Variants in INPP5A observed in about 807,000 individuals in gnomAD.
The protein encoded by INPP5A is 43 kDa inositol polyphosphate 5-phophatase.
In INPP5A, 14 loss-of-function variants were observed where a neutral mutation model predicts 65.2. The ratio of observed to expected loss-of-function variants is 0.21; its 90% CI spans 0.14 to 0.34. The LOEUF is 0.34. Ranked by LOEUF, INPP5A falls within the 10% of genes least tolerant of loss-of-function variation. The pLI is 1.00. For missense variants in INPP5A, 431 were observed against 545.6 expected, an observed-to-expected ratio of 0.79 and a Z score of 2.09; for synonymous variants, 207 against 208.3, an observed-to-expected ratio of 0.99 and a Z score of 0.05.
intron 2 of INPP5A, among the ~76,000 whole-genome samples, chr10:132,641,987 G>A (rs1056158023): frequency 3.3e-5 from 5 of 152,240 alleles, no homozygotes; most frequent in Non-Finnish European, 7.3e-5. Flanking sequence ...TCCCCAGTGT[G>A]GACCAGTGCT....
chr10:132,635,386 A>ATTTTTTTTTTTTTTTTTTTTTTTTTTTT (rs775271931), intron 2 of INPP5A, among the ~76,000 whole-genome samples: 1 of 54,500 alleles, frequency 1.8e-5, no homozygotes, highest in African/African-American at 8.0e-5. Flanking sequence ...CTTTTTAAAG[A>ATTTTTTTTTTTTTTTTTTTTTTTTTTTT]TTTTTTTTTT....
rs1292747269 is a variant in INPP5A, at chr10:132,675,300, C to G, written c.307-15092C>G. Among the ~76,000 whole-genome samples, 1 of 152,116 alleles carries G rather than the reference C, an allele frequency of 6.6e-6. No homozygotes were observed. Among genetic ancestry groups the G allele is most frequent in the Non-Finnish European group, 1.5e-5 (1 of 68,024 alleles). ...AGGAAATGTCAGCATAGGGTCTTAC[C>G]CGGCAAAACATCTCCTAAGATTGAA... is the stretch of plus-strand genomic sequence containing the variant. On this transcript the variant is annotated intron_variant, in intron 4 of 15. Transcript: ENST00000368594. The surrounding 1 kb of genome is among the most constrained non-coding windows in gnomAD (Gnocchi z 4.2).
At chr10:132,609,952 T>A (rs2071920014) in intron 2 of INPP5A, among the ~76,000 whole-genome samples, 1 of 152,242 alleles carries the variant, frequency 6.6e-6, no homozygotes, top group Non-Finnish European at 1.5e-5. Context: ...TGTCTGCCGC[T>A]TTTTTCTTGG....
At chr10:132,548,434 TG>T (rs993672429) in intron 1 of INPP5A, among the ~76,000 whole-genome samples, 1 of 152,198 alleles carries the variant, frequency 6.6e-6, no homozygotes, top group Admixed American at 6.5e-5. Context: ...GCACCCGGCC[TG>T]GGGGTGTTCC....
rs757261064 is a variant in INPP5A, at chr10:132,690,387, T to C, written c.307-5T>C. 6.3e-7 allele frequency: 1 copy of C among 1,592,322 alleles called. No individual in the cohort carries two copies. Among genetic ancestry groups the C allele is most frequent in the African/African-American group, 1.3e-5 (1 of 74,576 alleles). On this transcript the variant is annotated splice_polypyrimidine_tract_variant and splice_region_variant and intron_variant, in intron 4 of 15. Transcript: ENST00000368594. The stretch of plus-strand genomic sequence containing the variant: ...TCTCATTTGATTTCTCTTTTTGCTC[T>C]ACAGGCACTAGGAAGCTTTTATTTT...
At position 132,706,046 on chromosome 10, in the gene INPP5A, A is replaced by G. The variant is rs186593553; in HGVS notation, c.475-2267A>G. 2.6e-5 allele frequency among the ~76,000 whole-genome samples: 4 copies of G among 152,378 alleles called. No individual in the cohort carries two copies. In the East Asian group the frequency reaches 7.7e-4, roughly 29 times the overall value. ...ATTCAACTAAAACAGAAATAAAACA[A>G]GAAAAGGGAATATGAAGAGGAGCCT... On this transcript the variant is annotated intron_variant, in intron 6 of 15. Transcript: ENST00000368594. This position sits in a 1 kb window ranked among gnomAD's most constrained non-coding sequence, Gnocchi z 4.7.
chr10:132,636,106 G>A (rs73401227), intron 2 of INPP5A, among the ~76,000 whole-genome samples: 4,151 of 151,444 alleles, frequency 0.027, 76 homozygotes, highest in African/African-American at 0.046. Context: ...ATCTGTGTAC[G>A]TTGAAAATCC....
At chr10:132,648,227 C>A (rs1389113667) in intron 3 of INPP5A, among the ~76,000 whole-genome samples, 1 of 152,270 alleles carries the variant, frequency 6.6e-6, no homozygotes, top group African/African-American at 2.4e-5. Flanking sequence ...AGGACGCCGC[C>A]CTCACAGCAG....
At chr10:132,771,200 C>T (rs893665787) in intron 12 of INPP5A, among the ~76,000 whole-genome samples, 1 of 152,224 alleles carries the variant, frequency 6.6e-6, no homozygotes, top group Non-Finnish European at 1.5e-5. Flanking sequence ...AGGGCCATGT[C>T]ATCCCTCTGG....
intron 8 of INPP5A, among the ~76,000 whole-genome samples, chr10:132,712,678 ATG>A (rs923886547): frequency 3.6e-5 from 5 of 140,372 alleles, no homozygotes; most frequent in Middle Eastern, 4.5e-3. Flanking sequence ...GTGTGGGTGC[ATG>A]TGAGTGGGTA....
intron 4 of INPP5A, among the ~76,000 whole-genome samples, chr10:132,688,958 G>A (rs768719972): frequency 2.9e-4 from 44 of 151,482 alleles, no homozygotes; most frequent in Non-Finnish European, 5.6e-4. Flanking sequence ...GCAAATGCAT[G>A]TTGTGTGTGC....
At chr10:132,560,061 G>A (rs1335822159) in intron 1 of INPP5A, among the ~76,000 whole-genome samples, 2 of 151,984 alleles carry the variant, frequency 1.3e-5, no homozygotes, top group African/African-American at 4.8e-5. Flanking sequence ...CAGCTCTTTC[G>A]GGTGTAGACC....
intron 12 of INPP5A, among the ~76,000 whole-genome samples, chr10:132,767,164 G>A (rs1269837667): frequency 5.9e-4 from 67 of 113,498 alleles, no homozygotes; most frequent in Middle Eastern, 5.1e-3. Context: ...GGTGGGAGCC[G>A]GAGGATGCGG....
rs115304695 is a variant in INPP5A at position 132,741,961 on chromosome 10, T to A, written c.733-7556T>A. ...TACTTACAGAGAAGGCGCTCACTCC[T>A]GAGGGAGAGCAAAGGCCAGGTCAGA... On this transcript the variant is annotated intron_variant, in intron 9 of 15. Transcript: ENST00000368594. The surrounding 1 kb of genome is among the most constrained non-coding windows in gnomAD (Gnocchi z 4.4). Among the ~76,000 whole-genome samples the A allele has an allele frequency of 5.5e-4, 83 of 152,238 alleles. No individual in the cohort carries two copies. Among genetic ancestry groups the A allele is most frequent in the African/African-American group, 2.0e-3 (82 of 41,552 alleles).
chr10:132,615,090 C>T (rs1219517115), intron 2 of INPP5A, among the ~76,000 whole-genome samples: 1 of 152,246 alleles, frequency 6.6e-6, no homozygotes. Flanking sequence ...CCAGGCTGCA[C>T]TCAGATGGAG....
chr10:132,777,702 G>A lies in INPP5A; in HGVS notation c.1009G>A (p.Glu337Lys). 1 of 1,612,998 alleles carries A rather than the reference G, an allele frequency of 6.2e-7. No homozygotes were observed. Among genetic ancestry groups the A allele is most frequent in the South Asian group, 1.1e-5 (1 of 91,086 alleles). Residue 337 changes from glutamate (E) to lysine (K), a missense_variant, in exon 13 of 16, where the codon GAG becomes AAG. Coordinates refer to ENST00000368594, the MANE Select transcript of INPP5A (RefSeq NM_005539.5). ...GTACAGTGAGGACGCCCGCCAGGGT[G>A]AGCAGTACATGAACACCCGGTGCCC... is the stretch of plus-strand genomic sequence containing the variant. ...YPYSEDARQG[E>K]QYMNTRCPAW...
At chr10:132,568,969 G>A (rs1477699404) in intron 1 of INPP5A, among the ~76,000 whole-genome samples, 1 of 145,168 alleles carries the variant, frequency 6.9e-6, no homozygotes, top group Non-Finnish European at 1.5e-5. Context: ...AGGCTGGAGT[G>A]CGATGGCACG....
rs970022132 is a variant in INPP5A, at chr10:132,726,804, C to T, written c.648-17C>T. On this transcript the variant is annotated splice_polypyrimidine_tract_variant and intron_variant, in intron 8 of 15. Transcript: ENST00000368594. ...GGCTTCAGCGCCCTCGGTAACAAGTCCTCTTTTTCTTTCCAGAATCATTGA... is the reference window on the plus strand; with the variant it reads ...GGCTTCAGCGCCCTCGGTAACAAGTTCTCTTTTTCTTTCCAGAATCATTGA... The T allele has an allele frequency of 1.9e-6, 3 of 1,582,962 alleles. No individual in the cohort carries two copies. Among genetic ancestry groups the T allele is most frequent in the Non-Finnish European group, 2.6e-6 (3 of 1,157,148 alleles).
intron 9 of INPP5A, among the ~76,000 whole-genome samples, chr10:132,733,164 T>G (rs970256309): frequency 6.6e-6 from 1 of 152,178 alleles, no homozygotes; most frequent in Non-Finnish European, 1.5e-5. Flanking sequence ...CATGAGTCCA[T>G]GGACTTAGGG....
Sources: gnomAD v4.1 joint callset for allele counts (sites outside exome capture counted in the v4.1 genomes callset) on GRCh38, gnomAD v4.1.1 for gene constraint, Gnocchi (gnomAD v3.1) non-coding constraint, MANE v1.5 for transcripts, NCBI Gene and HGNC (gene_info 2026-07-23, HGNC 2026-07-21) for gene names.